The following LIMCH1 variants were observed in gnomAD, a reference collection of about 807,000 sequenced individuals.
LIMCH1 encodes the protein LIM and calponin homology domains-containing protein 1.
In LIMCH1, 113 loss-of-function variants were observed where a neutral mutation model predicts 176.5. The observed-to-expected ratio is 0.64, with a 90% CI of 0.55 to 0.75. The LOEUF (loss-of-function observed/expected upper bound fraction) is 0.75. Among genes scored for constraint, LIMCH1 ranks in the 30% least tolerant of loss-of-function variants. LIMCH1 has a pLI of 0.00. For synonymous variants in LIMCH1, 619 were observed against 645.9 expected (o/e 0.96, Z 0.63); for missense variants, 1,674 against 1,814.9 (o/e 0.92, Z 1.41).
At chr4:41,468,377 TCTCC>T (rs78015075) in intron 1 of LIMCH1, among the ~76,000 whole-genome samples, 8,938 of 72,306 alleles carry the variant, frequency 0.12, 567 homozygotes, top group African/African-American at 0.15. Context: ...CCCCCTCCTC[TCTCC>T]CTCCCTCCCT....
chr4:41,565,416 T>C (rs868675526), intron 1 of LIMCH1, among the ~76,000 whole-genome samples: 15 of 142,668 alleles, frequency 1.1e-4, no homozygotes, highest in African/African-American at 2.3e-4. Context: ...CACACACACA[T>C]ATATATGATA....
chr4:41,610,759 C>T (rs986878067), intron 4 of LIMCH1, among the ~76,000 whole-genome samples: 2 of 152,132 alleles, frequency 1.3e-5, no homozygotes, highest in Non-Finnish European at 2.9e-5. Context: ...TTAAACCCAG[C>T]CAGTCGGTAT....
At chr4:41,583,578 A>G (rs1486626953) in intron 1 of LIMCH1, among the ~76,000 whole-genome samples, 1 of 152,212 alleles carries the variant, frequency 6.6e-6, no homozygotes, top group Non-Finnish European at 1.5e-5. Flanking sequence ...TTCCTTGACG[A>G]TGAAATGTGG....
At chr4:41,695,564 A>T (rs1349869071) in intron 31 of LIMCH1, among the ~76,000 whole-genome samples, 1 of 152,078 alleles carries the variant, frequency 6.6e-6, no homozygotes, top group African/African-American at 2.4e-5. Flanking sequence ...TAACCTATTT[A>T]TTCTCCATTA....
At chr4:41,537,460 G>T (rs1284016135), upstream of LIMCH1, among the ~76,000 whole-genome samples, 1 of 152,188 alleles carries the variant, frequency 6.6e-6, no homozygotes, top group Non-Finnish European at 1.5e-5. Flanking sequence ...AATTATACCA[G>T]CAGAGGACTG....
intron 1 of LIMCH1, among the ~76,000 whole-genome samples, chr4:41,452,754 A>G (rs2064046249): frequency 6.6e-6 from 1 of 152,084 alleles, no homozygotes; most frequent in South Asian, 2.1e-4. Flanking sequence ...GCCTTCCTCA[A>G]TCCCTCAAAA....
chr4:41,692,667 A>G, intron 31 of LIMCH1: 2 of 299,122 alleles, frequency 6.7e-6, no homozygotes, highest in Non-Finnish European at 1.3e-5. Context: ...TGTGATAGAA[A>G]GGAGATATAA....
intron 1 of LIMCH1, among the ~76,000 whole-genome samples, chr4:41,398,789 C>T (rs1227945955): frequency 1.3e-5 from 2 of 152,106 alleles, no homozygotes; most frequent in East Asian, 1.9e-4. Context: ...ATATTCTCTT[C>T]CCAAGTCTCC....
chr4:41,565,350 C>CACACAT (rs1435303107), intron 1 of LIMCH1, among the ~76,000 whole-genome samples: 1 of 138,326 alleles, frequency 7.2e-6, no homozygotes, highest in Non-Finnish European at 1.5e-5. Flanking sequence ...TTCGGATACA[C>CACACAT]ACACACACAC....
At chr4:41,620,374 T>C in intron 6 of LIMCH1, 50 bp from the exon 7 acceptor site, 1 of 1,502,340 alleles carries the variant, frequency 6.7e-7, no homozygotes, top group Non-Finnish European at 8.9e-7. Context: ...TGGGGTCTGC[T>C]CCCCAGCCCA....
chr4:41,608,300 A>G (rs971642468), intron 4 of LIMCH1, among the ~76,000 whole-genome samples: 1 of 152,150 alleles, frequency 6.6e-6, no homozygotes, highest in Non-Finnish European at 1.5e-5. Context: ...TACACACTAC[A>G]CACATAGCTA....
At chr4:41,621,646 C>T (rs991164551) in intron 7 of LIMCH1, among the ~76,000 whole-genome samples, 3 of 152,040 alleles carry the variant, frequency 2.0e-5, no homozygotes, top group Non-Finnish European at 2.9e-5. Context: ...GGATTACAAG[C>T]GTGTACCACC....
At chr4:41,550,178 T>C (rs886091618) in intron 1 of LIMCH1, among the ~76,000 whole-genome samples, 3 of 151,640 alleles carry the variant, frequency 2.0e-5, no homozygotes, top group African/African-American at 7.3e-5. Context: ...TAAAAACTGA[T>C]TATCCTGTTT....
chr4:41,528,200 T>C (rs999011936), intron 3 of LIMCH1, among the ~76,000 whole-genome samples: 2 of 151,210 alleles, frequency 1.3e-5, no homozygotes, highest in African/African-American at 2.4e-5. Flanking sequence ...CATATACACA[T>C]AGAGATAAGA....
intron 1 of LIMCH1, among the ~76,000 whole-genome samples, chr4:41,398,994 T>C (rs1437203221): frequency 1.3e-5 from 2 of 152,160 alleles, no homozygotes; most frequent in African/African-American, 4.8e-5. Flanking sequence ...AAAAGGAGAA[T>C]TCTATGAAAA....
intron 30 of LIMCH1, 38 bp from the exon 31 acceptor site, chr4:41,692,244 T>G: frequency 8.5e-7 from 1 of 1,177,052 alleles, no homozygotes; most frequent in Non-Finnish European, 1.3e-6. Context: ...AAACAATTCC[T>G]TATGCATCTT....
chr4:41,680,873 A>G, intron 24 of LIMCH1, 82 bp from the exon 25 acceptor site: 1 of 715,970 alleles, frequency 1.4e-6, no homozygotes, highest in Non-Finnish European at 2.4e-6. Flanking sequence ...ATTTTTTTCT[A>G]AAGTGCCTTA....
chr4:41,594,401 T>G (rs2088302051), intron 1 of LIMCH1, among the ~76,000 whole-genome samples: 1 of 152,228 alleles, frequency 6.6e-6, no homozygotes, highest in Non-Finnish European at 1.5e-5. Context: ...TCCCTTGGGA[T>G]TGAGACACTT....
At chr4:41,401,318 G>C (rs2154117539) in intron 1 of LIMCH1, among the ~76,000 whole-genome samples, 1 of 152,174 alleles carries the variant, frequency 6.6e-6, no homozygotes, top group African/African-American at 2.4e-5. Context: ...TTTTTCTCAG[G>C]TTTGTCAAAG....
Sources: allele counts gnomAD v4.1 joint callset (sites outside exome capture counted in the v4.1 genomes callset), GRCh38; gene constraint gnomAD v4.1.1; transcripts MANE v1.5; gene names NCBI Gene and HGNC (gene_info 2026-07-23, HGNC 2026-07-21).